The following PARP12 variants were observed in gnomAD, a reference collection of about 807,000 sequenced individuals.
PARP12 encodes the protein protein mono-ADP-ribosyltransferase PARP12.
In PARP12, 59 loss-of-function variants were observed where a neutral mutation model predicts 72.4. The observed-to-expected ratio is 0.81, with a 90% CI of 0.66 to 1.01. The LOEUF (loss-of-function observed/expected upper bound fraction) is 1.01, where lower values mean the gene tolerates loss of function less well. Among genes scored for constraint, PARP12 ranks in the 50% least tolerant of loss-of-function variants. The pLI is 0.00. For missense variants in PARP12, 851 were observed against 914.0 expected (o/e 0.93, Z 0.89); for synonymous variants, 403 against 371.4 (o/e 1.09, Z -0.98).
intron 7 of PARP12, 45 bp from the exon 8 acceptor site, chr7:140,034,376 C>A (rs781047277): frequency 6.9e-7 from 1 of 1,456,048 alleles, no homozygotes; most frequent in East Asian, 2.5e-5. Flanking sequence ...TATACATATA[C>A]ATACACACAG....
intron 7 of PARP12, among the ~76,000 whole-genome samples, chr7:140,035,955 AGGAGG>A (rs1569526880): frequency 0.016 from 1,299 of 80,192 alleles, 137 homozygotes; most frequent in Non-Finnish European, 0.019. Flanking sequence ...GAGGAGGACG[AGGAGG>A]AGGAGGAGGA....
chr7:140,041,918 C>G, intron 5 of PARP12, 79 bp from the exon 6 acceptor site: 1 of 1,223,000 alleles, frequency 8.2e-7, no homozygotes, highest in Non-Finnish European at 1.2e-6. Context: ...GAACATATAG[C>G]TGGGAGATGC....
chr7:140,054,019 A>G (rs1817081491), intron 4 of PARP12, among the ~76,000 whole-genome samples: 1 of 152,218 alleles, frequency 6.6e-6, no homozygotes, highest in Non-Finnish European at 1.5e-5. Flanking sequence ...AAAACTGAAA[A>G]TGAAACAAGA....
chr7:140,025,401 T>C, intron 11 of PARP12: 1 of 322,008 alleles, frequency 3.1e-6, no homozygotes, highest in Non-Finnish European at 6.2e-6. Flanking sequence ...CTGCTGTCCA[T>C]CTTGACCCCT....
intron 5 of PARP12, among the ~76,000 whole-genome samples, chr7:140,043,151 A>G (rs1392961519): frequency 6.6e-6 from 1 of 152,202 alleles, no homozygotes; most frequent in Non-Finnish European, 1.5e-5. Flanking sequence ...CTGAGACCGC[A>G]CCACTGCGCT....
chr7:140,030,876 C>T (rs1476869338), intron 8 of PARP12, among the ~76,000 whole-genome samples: 1 of 152,072 alleles, frequency 6.6e-6, no homozygotes, highest in East Asian at 1.9e-4. Flanking sequence ...CTAATGTGGC[C>T]TGGGAAAGCC....
At position 140,052,186 on chromosome 7, in the gene PARP12, G is replaced by A. The variant is rs527884917; in HGVS notation, c.862+2476C>T. ...CTGCTCTTGTCTGCAGCTGATCCAG[G>A]CAGAATGGTTTTGGCACTCATAGAG... On this transcript the variant is annotated intron_variant, in intron 4 of 11. Transcript: ENST00000263549. Among the ~76,000 whole-genome samples, 9 of 152,292 alleles carry A rather than the reference G, an allele frequency of 5.9e-5. No homozygotes were observed. The East Asian group carries it at 1.4e-3, about 23-fold the overall frequency.
chr7:140,024,963 G>C lies in PARP12; in HGVS notation c.1781-78C>G. 2 of 1,373,580 alleles carry C rather than the reference G, an allele frequency of 1.5e-6. 1 individual carries two copies. Among genetic ancestry groups the C allele is most frequent in the East Asian group, 4.7e-5 (2 of 42,660 alleles). The allele number at this position is 1,373,580 out of a possible 1,614,324, so 85.1% of individuals were successfully genotyped here. A position where few individuals can be genotyped will look rare whatever the true frequency, so the allele number is the denominator to read the frequency against. ...GTCAGCACACTGCGAATAGCGTCCT[G>C]GTGATGTGCAACGCCAGGGCCTCTA... On this transcript the variant is annotated intron_variant, in intron 11 of 11. Transcript: ENST00000263549.
chr7:140,057,780 G>A (rs779205278), intron 2 of PARP12, 119 bp downstream of exon 2: 4 of 1,399,238 alleles, frequency 2.9e-6, no homozygotes, highest in Non-Finnish European at 3.8e-6. Context: ...ATTTCTGCAG[G>A]TGGAAACCAG....
rs1247438465 is a variant in PARP12 at position 140,024,547 on chromosome 7, C to T, written c.*13G>A. 1.2e-6 allele frequency: 2 copies of T among 1,613,938 alleles called. No homozygotes were observed. Among genetic ancestry groups the T allele is most frequent in the South Asian group, 2.2e-5 (2 of 91,026 alleles). On this transcript the variant is annotated 3_prime_UTR_variant, in exon 12 of 12. Coordinates refer to ENST00000263549, the MANE Select transcript of PARP12 (RefSeq NM_022750.4). Reference sequence around the variant, plus strand: ...GGCAGAGCAGGTGAAAGGCCTGGAACACTCCTGTGCGCTCACTGTCGGCTG... The same window carrying T: ...GGCAGAGCAGGTGAAAGGCCTGGAATACTCCTGTGCGCTCACTGTCGGCTG...
chr7:140,027,481 T>C lies in PARP12; in HGVS notation c.1498-75A>G. 6 of 1,557,702 alleles carry C rather than the reference T, an allele frequency of 3.9e-6. No homozygotes were observed. The South Asian group carries it at 4.5e-5, about 12-fold the overall frequency. On this transcript the variant is annotated intron_variant, in intron 9 of 11. Coordinates refer to ENST00000263549, the MANE Select transcript of PARP12 (RefSeq NM_022750.4). ...AAATCAGTCCCTTCCCAAAGCTTCT[T>C]GTAAACACTAGAACCGCAGAAGCAC...
chr7:140,024,747 T>C lies in PARP12; in HGVS notation c.1919A>G (p.Lys640Arg), dbSNP rs1815658193. ...GNASFVRPPA[K>R]EGWSNAFYDS... ...ATAGAAGGCGTTGCTCCAGCCCTCC[T>C]TGGCCGGCGGACGGACAAAGGAGGC... The change falls in exon 12 of 12, where the codon AAG becomes AGG. Residue 640 changes from lysine (K) to arginine (R), a missense_variant. Physicochemically the swap from Lys to Arg is conservative, Grantham distance 26 (BLOSUM62 2). Coordinates refer to ENST00000263549, the MANE Select transcript of PARP12 (RefSeq NM_022750.4). 1 of 1,614,166 alleles carries C rather than the reference T, an allele frequency of 6.2e-7. No individual in the cohort carries two copies. The highest frequency in any genetic ancestry group is 1.3e-5 in the African/African-American group (1 of 75,038).
intron 5 of PARP12, among the ~76,000 whole-genome samples, chr7:140,044,013 C>T (rs559504718): frequency 1.3e-5 from 2 of 152,146 alleles, no homozygotes; most frequent in Non-Finnish European, 2.9e-5. Context: ...GAGAAGACTT[C>T]ACCATATATC....
intron 4 of PARP12, among the ~76,000 whole-genome samples, chr7:140,052,732 T>TTGTGTGTGTGTGTGTGTGTGTGTG (rs9340762): frequency 2.7e-5 from 4 of 145,706 alleles, no homozygotes; most frequent in African/African-American, 7.6e-5. Flanking sequence ...AAGACCCCTT[T>TTGTGTGTGTGTGTGTGTGTGTGTG]TGTGTGTGTG....
At chr7:140,031,738 A>T (rs1157869809) in intron 8 of PARP12, among the ~76,000 whole-genome samples, 1 of 150,874 alleles carries the variant, frequency 6.6e-6, no homozygotes, top group African/African-American at 2.4e-5. Context: ...AAATTAGAAT[A>T]AGAGAGATCT....
chr7:140,029,746 A>G (rs1815868445), intron 8 of PARP12, among the ~76,000 whole-genome samples: 1 of 152,270 alleles, frequency 6.6e-6, no homozygotes, highest in Non-Finnish European at 1.5e-5. Context: ...AGAATTAAGT[A>G]CAATCTTTAA....
chr7:140,053,609 G>T (rs1177501572), intron 4 of PARP12, among the ~76,000 whole-genome samples: 1 of 151,974 alleles, frequency 6.6e-6, no homozygotes, highest in East Asian at 1.9e-4. Context: ...ATTGCTTTCA[G>T]AATACACATA....
At chr7:140,041,435 G>A (rs1248312602) in intron 6 of PARP12, 1 of 475,898 alleles carries the variant, frequency 2.1e-6, no homozygotes, top group African/African-American at 1.9e-5. Flanking sequence ...GCCAACAGAT[G>A]GAAGCTCTTC....
At chr7:140,054,901 C>T in intron 3 of PARP12, 138 bp from the exon 4 acceptor site, 1 of 677,062 alleles carries the variant, frequency 1.5e-6, no homozygotes. Context: ...GGTGAAAGTG[C>T]TCCTACACAG....
Sources: gnomAD v4.1 joint callset for allele counts (sites outside exome capture counted in the v4.1 genomes callset) on GRCh38, gnomAD v4.1.1 for gene constraint, MANE v1.5 for transcripts, NCBI Gene and HGNC (gene_info 2026-07-23, HGNC 2026-07-21) for gene names.